The following CCDC102B variants were observed in gnomAD, a reference collection of about 807,000 sequenced individuals.
The protein encoded by CCDC102B is coiled-coil domain containing 102B, also known as coiled-coil domain-containing protein 102B.
In CCDC102B, 75 loss-of-function variants were observed where a neutral mutation model predicts 57.4. The observed-to-expected ratio is 1.31, with a 90% CI of 1.08 to 1.58. CCDC102B has a LOEUF of 1.58. CCDC102B is among the 40% of genes most tolerant of loss of function. The pLI, the probability that CCDC102B is intolerant of heterozygous loss-of-function variation, is 0.00. For missense variants in CCDC102B, 636 were observed against 582.6 expected (o/e 1.09, Z -0.94); for synonymous variants, 206 against 201.9 (o/e 1.02, Z -0.17).
chr18:68,865,262 T>C (rs767870912), intron 4 of CCDC102B, among the ~76,000 whole-genome samples: 1 of 152,122 alleles, frequency 6.6e-6, no homozygotes, highest in Non-Finnish European at 1.5e-5. Context: ...TTCCTTTTCT[T>C]ATATTTTCGC....
intron 2 of CCDC102B, among the ~76,000 whole-genome samples, chr18:68,766,835 GTT>G (rs2144603877): frequency 6.6e-6 from 1 of 152,232 alleles, no homozygotes; most frequent in Non-Finnish European, 1.5e-5. Context: ...AAAATTATGA[GTT>G]TGGGAATTAA....
intron 4 of CCDC102B, among the ~76,000 whole-genome samples, chr18:68,864,300 T>C (rs2038883907): frequency 6.6e-6 from 1 of 151,940 alleles, no homozygotes; most frequent in Non-Finnish European, 1.5e-5. Context: ...ATTCTTTCAA[T>C]ATAGAAGAGA....
intron 2 of CCDC102B, among the ~76,000 whole-genome samples, chr18:68,724,325 C>T (rs2032495311): frequency 6.6e-6 from 1 of 152,232 alleles, no homozygotes; most frequent in Admixed American, 6.5e-5. Flanking sequence ...TGGTGATTAA[C>T]ATTTGGCTTC....
At chr18:68,731,723 T>C (rs1276548284) in intron 2 of CCDC102B, among the ~76,000 whole-genome samples, 2 of 149,994 alleles carry the variant, frequency 1.3e-5, no homozygotes, top group African/African-American at 2.4e-5. Context: ...ATATATGTTA[T>C]ATGATCTCCT....
chr18:68,904,437 T>C (rs2145046056), intron 6 of CCDC102B, among the ~76,000 whole-genome samples: 1 of 152,320 alleles, frequency 6.6e-6, no homozygotes, highest in Admixed American at 6.5e-5. Flanking sequence ...TAGAAATACA[T>C]CCATGATTTT....
intron 4 of CCDC102B, among the ~76,000 whole-genome samples, chr18:68,854,091 GTTTTT>G (rs10604645): frequency 0.66 from 98,237 of 149,048 alleles, 32,989 homozygotes; most frequent in Non-Finnish European, 0.73. Flanking sequence ...ACTTTTTCTT[GTTTTT>G]TTTTTTTTTC....
At chr18:68,960,829 C>G (rs1448465309) in intron 6 of CCDC102B, among the ~76,000 whole-genome samples, 12 of 152,048 alleles carry the variant, frequency 7.9e-5, no homozygotes, top group African/African-American at 2.9e-4. Context: ...ATCACTGTAC[C>G]CTCTCTCAAG....
In CCDC102B at chr18:69,039,274, T is replaced by C. The variant is rs56278878; in HGVS notation, c.1435-14756T>C. ...TGTGCAGTTGCAGAGCTTGCTTTTA[T>C]TAAATTAACATTATATAGTTATATC... On this transcript the variant is annotated intron_variant, in intron 7 of 7. Coordinates refer to ENST00000360242, the MANE Select transcript of CCDC102B (RefSeq NM_024781.3). Among the ~76,000 whole-genome samples the C allele has an allele frequency of 5.1e-3, 783 of 152,158 alleles. 2 individuals carry two copies. Among genetic ancestry groups the C allele is most frequent in the Non-Finnish European group, 8.1e-3 (551 of 67,940 alleles).
chr18:68,740,266 A>G (rs2033325291), intron 2 of CCDC102B, among the ~76,000 whole-genome samples: 1 of 152,208 alleles, frequency 6.6e-6, no homozygotes, highest in Non-Finnish European at 1.5e-5. Flanking sequence ...GTGATTCTCT[A>G]GAATTTCTCC....
chr18:68,967,152 TCTTTTC>T (rs2050184788), intron 6 of CCDC102B, among the ~76,000 whole-genome samples: 1 of 128,312 alleles, frequency 7.8e-6, no homozygotes, highest in Non-Finnish European at 1.6e-5. Flanking sequence ...TAGTCGTGCC[TCTTTTC>T]GGTGTGTAGA....
At chr18:68,997,856 T>G (rs3927840) in intron 6 of CCDC102B, among the ~76,000 whole-genome samples, 129,876 of 151,158 alleles carry the variant, frequency 0.86, 57,552 homozygotes, top group Non-Finnish European at 0.97. Flanking sequence ...ATAATATGTG[T>G]TTTTTTTGGC....
intron 2 of CCDC102B, among the ~76,000 whole-genome samples, chr18:68,742,492 C>T (rs1365303884): frequency 1.3e-5 from 2 of 152,214 alleles, no homozygotes; most frequent in Non-Finnish European, 2.9e-5. Flanking sequence ...CCACAACTGA[C>T]TATTAAATGT....
chr18:68,980,944 G>C (rs976168062), intron 6 of CCDC102B, among the ~76,000 whole-genome samples: 3 of 152,028 alleles, frequency 2.0e-5, no homozygotes, highest in Non-Finnish European at 4.4e-5. Flanking sequence ...GCTGAGAACA[G>C]ACTGTAGATG....
intron 5 of CCDC102B, among the ~76,000 whole-genome samples, chr18:68,889,776 G>C (rs1241785885): frequency 6.6e-6 from 1 of 152,118 alleles, no homozygotes; most frequent in African/African-American, 2.4e-5. Flanking sequence ...TCTATAGTAT[G>C]ATGTTATAGC....
intron 6 of CCDC102B, among the ~76,000 whole-genome samples, chr18:68,945,472 A>G (rs1016956132): frequency 2.6e-5 from 4 of 152,118 alleles, no homozygotes; most frequent in African/African-American, 9.7e-5. Context: ...CTATGATATA[A>G]AAATAGGTTC....
chr18:69,004,318 G>A (rs551718051), intron 6 of CCDC102B, among the ~76,000 whole-genome samples: 9 of 152,274 alleles, frequency 5.9e-5, no homozygotes, highest in East Asian at 3.9e-4. Flanking sequence ...TGGGAGGGCC[G>A]TGATCATGGG....
chr18:68,984,562 T>A (rs147454039), intron 6 of CCDC102B, among the ~76,000 whole-genome samples: 1 of 152,296 alleles, frequency 6.6e-6, no homozygotes, highest in East Asian at 1.9e-4. Flanking sequence ...ATCATTGAAT[T>A]CATTACTAGC....
chr18:68,884,669 C>A lies in CCDC102B; in HGVS notation c.1053+9884C>A, dbSNP rs1181124091. 2.0e-5 allele frequency among the ~76,000 whole-genome samples: 3 copies of A among 150,056 alleles called. No individual in the cohort carries two copies. The East Asian group carries it at 6.0e-4, about 30-fold the overall frequency. On this transcript the variant is annotated intron_variant, in intron 5 of 7. Coordinates refer to ENST00000360242, the MANE Select transcript of CCDC102B (RefSeq NM_024781.3). Reference sequence around the variant, plus strand: ...TCTCCCCATCGTATATATATACACACATATATATATGTATCCTCTGACCTA... The same window carrying A: ...TCTCCCCATCGTATATATATACACAAATATATATATGTATCCTCTGACCTA...
intron 4 of CCDC102B, chr18:68,866,808 G>T: frequency 1.4e-6 from 1 of 695,478 alleles, no homozygotes; most frequent in Non-Finnish European, 2.7e-6. Context: ...GGAACTTTGA[G>T]TCTTATTTGA....
Sources: allele counts gnomAD v4.1 joint callset (sites outside exome capture counted in the v4.1 genomes callset), GRCh38; gene constraint gnomAD v4.1.1; transcripts MANE v1.5; gene names NCBI Gene and HGNC (gene_info 2026-07-23, HGNC 2026-07-21).